PCGF3: variants seen among roughly 807,000 people sequenced by gnomAD.
The protein encoded by PCGF3 is polycomb group ring finger 3.
PCGF3 carries 7 observed loss-of-function variants against 33.1 expected under a neutral mutation model. That is an observed-to-expected ratio of 0.21 (90% CI 0.12 to 0.40). The LOEUF (loss-of-function observed/expected upper bound fraction) is 0.40, where lower values mean the gene tolerates loss of function less well. PCGF3 is among the 10% of genes least tolerant of loss of function. PCGF3 has a pLI of 1.00. For synonymous variants in PCGF3, 153 were observed against 121.3 expected, an observed-to-expected ratio of 1.26 and a Z score of -1.72; for missense variants, 211 against 313.3, an observed-to-expected ratio of 0.67 and a Z score of 2.46.
chr4:726,113 T>C (rs1164661682), intron 1 of PCGF3, among the ~76,000 whole-genome samples: 1 of 152,198 alleles, frequency 6.6e-6, no homozygotes, highest in Non-Finnish European at 1.5e-5. Flanking sequence ...AATGGTCTCG[T>C]GGGTGCGCAC....
chr4:756,862 C>T (rs1431166279), intron 8 of PCGF3, among the ~76,000 whole-genome samples: 1 of 152,180 alleles, frequency 6.6e-6, no homozygotes, highest in Non-Finnish European at 1.5e-5. Flanking sequence ...CCATCTGAGA[C>T]TGCCATGGCG....
intron 8 of PCGF3, among the ~76,000 whole-genome samples, chr4:748,070 G>A (rs1298479917): frequency 1.3e-5 from 2 of 152,180 alleles, no homozygotes; most frequent in Admixed American, 6.5e-5. Context: ...GTGTTGAAAG[G>A]AAAGTGAGAG....
chr4:764,848 G>GC (rs3834219), intron 9 of PCGF3, 136 bp from the exon 10 acceptor site: 48,375 of 619,866 alleles, frequency 0.078, 2,111 homozygotes, highest in South Asian at 0.14. Flanking sequence ...ACATGAACCA[G>GC]CCCCCCCCAC....
intron 1 of PCGF3, among the ~76,000 whole-genome samples, chr4:709,044 T>C (rs1013774704): frequency 8.5e-5 from 13 of 152,320 alleles, no homozygotes; most frequent in Non-Finnish European, 1.9e-4. Flanking sequence ...GTGCATGAGG[T>C]ATTCAGAAGC....
chr4:748,606 G>T (rs942645663), intron 8 of PCGF3, among the ~76,000 whole-genome samples: 1 of 152,236 alleles, frequency 6.6e-6, no homozygotes, highest in Non-Finnish European at 1.5e-5. Flanking sequence ...TTGTGGGTCA[G>T]TAGAGAAGAG....
chr4:742,302 C>T (rs933587244), intron 6 of PCGF3, among the ~76,000 whole-genome samples: 5 of 152,194 alleles, frequency 3.3e-5, no homozygotes, highest in African/African-American at 4.8e-5. Flanking sequence ...CGTTGCCTCA[C>T]GCGGGCATTG....
At chr4:755,139 G>C (rs966482915) in intron 8 of PCGF3, among the ~76,000 whole-genome samples, 1 of 152,244 alleles carries the variant, frequency 6.6e-6, no homozygotes, top group Non-Finnish European at 1.5e-5. Flanking sequence ...TGGTGTCGCA[G>C]AGCACACGGC....
chr4:756,341 T>C (rs1744769494), intron 8 of PCGF3, among the ~76,000 whole-genome samples: 1 of 151,748 alleles, frequency 6.6e-6, no homozygotes, highest in South Asian at 2.1e-4. Context: ...GCCTCCTGAG[T>C]AGCTGGGATT....
chr4:768,673 T>TGGG (rs981650281), exon 11 of PCGF3: 9 of 152,534 alleles, frequency 5.9e-5, no homozygotes, highest in Admixed American at 3.3e-4. Context: ...ATTTAAGATT[T>TGGG]GGGGGGTTAA....
In PCGF3 at chr4:737,525, AGT is replaced by A. The variant is rs1329564686; in HGVS notation, c.262+7_262+8del. On this transcript the variant is annotated splice_donor_5th_base_variant and intron_variant, in intron 6 of 10. Transcript: ENST00000362003. ...TTGGTACCAGGCCTCCAAGAAGGTGAGTGTCTGACTGTCTTGCTGATCCCTGA... is the reference window on the plus strand; with the variant it reads ...TTGGTACCAGGCCTCCAAGAAGGTGAGTCTGACTGTCTTGCTGATCCCTGA... 6.3e-7 allele frequency: 1 copy of A among 1,590,344 alleles called. No individual in the cohort carries two copies.
chr4:757,787 C>G (rs1744832602), intron 8 of PCGF3: 1 of 152,124 alleles, frequency 6.6e-6, no homozygotes, highest in Admixed American at 6.5e-5. Flanking sequence ...TCTTTAATCT[C>G]TTTCTTTCTT....
intron 6 of PCGF3, among the ~76,000 whole-genome samples, chr4:741,070 C>A (rs751656458): frequency 6.6e-6 from 1 of 152,238 alleles, no homozygotes; most frequent in Non-Finnish European, 1.5e-5. Context: ...ACTTTCTCAT[C>A]CGTCATACTG....
chr4:756,060 C>T (rs1269208863), intron 8 of PCGF3, among the ~76,000 whole-genome samples: 3 of 151,624 alleles, frequency 2.0e-5, no homozygotes, highest in African/African-American at 7.3e-5. Context: ...ATTATAGGCA[C>T]ATGCCACCAT....
chr4:763,144 G>A (rs1745159837), intron 9 of PCGF3, among the ~76,000 whole-genome samples: 1 of 152,174 alleles, frequency 6.6e-6, no homozygotes, highest in South Asian at 2.1e-4. Flanking sequence ...GGACACGGGG[G>A]GAAGGGAGAG....
intron 4 of PCGF3, 154 bp downstream of exon 4, chr4:733,943 C>T: frequency 1.3e-6 from 2 of 1,554,444 alleles, no homozygotes; most frequent in Non-Finnish European, 1.7e-6. Context: ...GAAGATAAGT[C>T]AGAAAAGTCA....
At chr4:763,085 G>A (rs978660876) in intron 9 of PCGF3, among the ~76,000 whole-genome samples, 3 of 152,056 alleles carry the variant, frequency 2.0e-5, no homozygotes, top group African/African-American at 7.3e-5. Context: ...CGGGGTTGGG[G>A]AGACTCACTG....
At chr4:761,307 G>A (rs561952925) in exon 9 of PCGF3, 2 of 1,602,034 alleles carry the variant, frequency 1.2e-6, no homozygotes, top group East Asian at 2.2e-5. Flanking sequence ...TGTAACAGCA[G>A]CAAACTGCGC....
chr4:768,246 G>C (rs560339314), exon 11 of PCGF3: 1 of 152,672 alleles, frequency 6.5e-6, no homozygotes, highest in Non-Finnish European at 1.5e-5. Flanking sequence ...TTTTCTAGGA[G>C]TTCATCGTGC....
chr4:737,411 AAGAATTAT>A, intron 5 of PCGF3, 47 bp from the exon 6 acceptor site: 1 of 1,163,050 alleles, frequency 8.6e-7, no homozygotes, highest in Admixed American at 1.7e-5. Context: ...GAAAGTGTAC[AAGAATTAT>A]AGAATTAACA....
Sources: allele counts gnomAD v4.1 joint callset (sites outside exome capture counted in the v4.1 genomes callset), GRCh38; gene constraint gnomAD v4.1.1; transcripts MANE v1.5; gene names NCBI Gene and HGNC (gene_info 2026-07-23, HGNC 2026-07-21).